SAE1: variants seen among roughly 807,000 people sequenced by gnomAD.
The protein encoded by SAE1 is SUMO1 activating enzyme subunit 1, also known as SUMO-activating enzyme subunit 1.
Under a neutral mutation model 40.6 loss-of-function variants are expected in SAE1, and 11 were observed. The ratio of observed to expected loss-of-function variants is 0.27; its 90% CI spans 0.17 to 0.45. SAE1 has a LOEUF of 0.45. SAE1 is among the 20% of genes least tolerant of loss of function. SAE1 has a pLI of 1.00. For synonymous variants in SAE1, 155 were observed against 154.3 expected, an observed-to-expected ratio of 1.00 and a Z score of -0.03; for missense variants, 373 against 427.3, an observed-to-expected ratio of 0.87 and a Z score of 1.12.
At chr19:47,170,215 TC>T (rs1477389572) in intron 6 of SAE1, among the ~76,000 whole-genome samples, 1 of 152,134 alleles carries the variant, frequency 6.6e-6, no homozygotes, top group East Asian at 1.9e-4. Context: ...TCTTTTTTTT[TC>T]TTTTTTCTTT....
rs534249657 is a variant in SAE1 at position 47,173,558 on chromosome 19, A to G, written c.733+3635A>G. 9.2e-5 allele frequency among the ~76,000 whole-genome samples: 14 copies of G among 152,278 alleles called. No homozygotes were observed. The South Asian group carries it at 1.4e-3, about 16-fold the overall frequency. On this transcript the variant is annotated intron_variant, in intron 6 of 8. Transcript: ENST00000270225. The stretch of plus-strand genomic sequence containing the variant: ...AATCAGGATTTCCTCACTTCAGCAC[A>G]CTACTGACATTCTGTGCTGGATAAC...
At chr19:47,177,568 C>T (rs2058477948) in intron 6 of SAE1, among the ~76,000 whole-genome samples, 1 of 152,088 alleles carries the variant, frequency 6.6e-6, no homozygotes, top group South Asian at 2.1e-4. Flanking sequence ...GGAGGTCTTG[C>T]TATGTTGCCC....
Position 47,197,317 on chromosome 19 carries a change from G to T in SAE1, c.818G>T (p.Arg273Leu), listed in dbSNP as rs748067590. 3 of 1,614,030 alleles carry T rather than the reference G, an allele frequency of 1.9e-6. No homozygotes were observed. Among genetic ancestry groups the T allele is most frequent in the South Asian group, 2.2e-5 (2 of 91,084 alleles). The change falls in exon 7 of 9, where the codon CGA becomes CTA. Residue 273 changes from arginine (R) to leucine (L), a missense_variant. Arg to Leu is a moderately radical substitution (Grantham distance 102). Around this residue, in one of 3 missense-constraint regions of SAE1, gnomAD observed 351 missense variants for 390.6 expected, o/e 0.90. Transcript: ENST00000270225. ...EEDSELLLQI[R>L]NDVLDSLGIS... is the part of the protein sequence containing the mutation. ...GATTCTGAGTTGTTGCTCCAGATACGAAATGATGTGCTTGACTCACTGGGT... is the reference window on the plus strand; with the variant it reads ...GATTCTGAGTTGTTGCTCCAGATACTAAATGATGTGCTTGACTCACTGGGT...
chr19:47,194,968 C>T (rs2058604466), intron 6 of SAE1, among the ~76,000 whole-genome samples: 1 of 150,982 alleles, frequency 6.6e-6, no homozygotes, highest in South Asian at 2.1e-4. Context: ...TGGTCTCTAA[C>T]TTCTGACCTC....
At chr19:47,183,878 G>A (rs984587515) in intron 6 of SAE1, among the ~76,000 whole-genome samples, 68 of 152,238 alleles carry the variant, frequency 4.5e-4, no homozygotes, top group Non-Finnish European at 1.3e-4. Flanking sequence ...CCTGCTGCTT[G>A]TGACCAGGCA....
chr19:47,172,767 CAAA>C (rs992963906), intron 6 of SAE1, among the ~76,000 whole-genome samples: 2 of 133,322 alleles, frequency 1.5e-5, no homozygotes. Context: ...GTGTACACGC[CAAA>C]AAAAAAAAAG....
chr19:47,147,199 GTTTTTTTTTTTTT>G (rs397859917), intron 2 of SAE1, among the ~76,000 whole-genome samples: 1 of 60,934 alleles, frequency 1.6e-5, no homozygotes, highest in Non-Finnish European at 3.0e-5. Flanking sequence ...ATGTGTATGG[GTTTTTTTTTTTTT>G]TTTTTTTTTT....
chr19:47,175,289 C>A (rs1378351024), intron 6 of SAE1, among the ~76,000 whole-genome samples: 2 of 151,894 alleles, frequency 1.3e-5, no homozygotes, highest in Non-Finnish European at 2.9e-5. Flanking sequence ...TTGTGACAAT[C>A]TTTGAAGTAT....
intron 6 of SAE1, among the ~76,000 whole-genome samples, chr19:47,191,563 G>A (rs1217077552): frequency 2.0e-5 from 3 of 152,186 alleles, no homozygotes; most frequent in African/African-American, 7.2e-5. Context: ...CAGCAGTCAC[G>A]TGGAAACTGA....
rs2058235269 is a variant in SAE1, at chr19:47,143,491, C to T, written c.99-3C>T. On this transcript the variant is annotated splice_region_variant and splice_polypyrimidine_tract_variant and intron_variant, in intron 1 of 8. Transcript: ENST00000270225. ...CATCAGGTTAACAATGTTTGTCTTACAGGCTGCGGGCCTCTCGGGTGCTTC... is the reference window on the plus strand; with the variant it reads ...CATCAGGTTAACAATGTTTGTCTTATAGGCTGCGGGCCTCTCGGGTGCTTC... 2 of 1,610,620 alleles carry T rather than the reference C, an allele frequency of 1.2e-6. No homozygotes were observed. Among genetic ancestry groups the T allele is most frequent in the Non-Finnish European group, 1.7e-6 (2 of 1,176,820 alleles).
intron 2 of SAE1, among the ~76,000 whole-genome samples, chr19:47,145,866 A>C (rs1262063418): frequency 6.6e-6 from 1 of 151,712 alleles, no homozygotes; most frequent in Admixed American, 6.6e-5. Context: ...GAGAGCACCT[A>C]CTGGGTGCCC....
intron 6 of SAE1, among the ~76,000 whole-genome samples, chr19:47,184,247 GTTTC>G (rs1158366233): frequency 1.3e-5 from 2 of 152,088 alleles, no homozygotes; most frequent in Non-Finnish European, 2.9e-5. Flanking sequence ...CATGTCTTCT[GTTTC>G]TTCTCTTTTC....
Position 47,150,460 on chromosome 19 carries a change from T to G in SAE1, c.384+85T>G, listed in dbSNP as rs539236012. ...TATACTTTCAAATCCCAAAGCAATC[T>G]GAGAGCATTCAAATATCAAATTCTG... On this transcript the variant is annotated intron_variant, in intron 3 of 8. Transcript: ENST00000270225. 2.2e-5 allele frequency: 23 copies of G among 1,064,206 alleles called. No homozygotes were observed. In the East Asian group the frequency reaches 5.4e-4, roughly 25 times the overall value. The allele number at this position is 1,064,206 out of a possible 1,614,324, so 65.9% of individuals were successfully genotyped here.
At chr19:47,186,532 G>T (rs1167816710) in intron 6 of SAE1, among the ~76,000 whole-genome samples, 1 of 152,162 alleles carries the variant, frequency 6.6e-6, no homozygotes, top group Non-Finnish European at 1.5e-5. Flanking sequence ...GGGTGAGGGT[G>T]CAGGTCCCTC....
chr19:47,196,238 T>C (rs1198755579), intron 6 of SAE1, among the ~76,000 whole-genome samples: 2 of 150,132 alleles, frequency 1.3e-5, no homozygotes, highest in Non-Finnish European at 3.0e-5. Context: ...GGTTTCACCA[T>C]GTTGGTCAGG....
At chr19:47,207,094 G>A (rs2058690468) in intron 8 of SAE1, among the ~76,000 whole-genome samples, 1 of 152,104 alleles carries the variant, frequency 6.6e-6, no homozygotes, top group Non-Finnish European at 1.5e-5. Context: ...ACTAGCTTGG[G>A]CAACATGAGG....
At chr19:47,192,702 G>A (rs1213249563) in intron 6 of SAE1, among the ~76,000 whole-genome samples, 2 of 151,598 alleles carry the variant, frequency 1.3e-5, no homozygotes, top group Admixed American at 6.6e-5. Flanking sequence ...CACACTTTCG[G>A]CTAATTTTCC....
intron 6 of SAE1, among the ~76,000 whole-genome samples, chr19:47,178,266 A>G (rs1270328614): frequency 1.3e-5 from 2 of 152,160 alleles, no homozygotes; most frequent in East Asian, 1.9e-4. Flanking sequence ...AAATCTATCT[A>G]TCTATCAGTC....
At chr19:47,172,809 G>A (rs17729245) in intron 6 of SAE1, among the ~76,000 whole-genome samples, 2,047 of 151,646 alleles carry the variant, frequency 0.013, 102 homozygotes, top group Admixed American at 0.096. Flanking sequence ...ATATCTTCAC[G>A]GATGACAGAG....
Sources: gnomAD v4.1 joint callset for allele counts (sites outside exome capture counted in the v4.1 genomes callset) on GRCh38, gnomAD v4.1.1 for gene constraint, gnomAD v4.1.1 regional missense constraint, MANE v1.5 for transcripts, NCBI Gene and HGNC (gene_info 2026-07-23, HGNC 2026-07-21) for gene names.